The following ARL15 variants were observed in gnomAD, a reference collection of about 807,000 sequenced individuals.
ARL15 encodes the protein ARF like GTPase 15.
ARL15 carries 19 observed loss-of-function variants against 25.2 expected under a neutral mutation model. The observed-to-expected ratio is 0.75, with a 90% CI of 0.53 to 1.10. The LOEUF (loss-of-function observed/expected upper bound fraction) is 1.10. ARL15 is among the 50% of genes least tolerant of loss of function. The pLI, the probability that ARL15 is intolerant of heterozygous loss-of-function variation, is 0.00. For synonymous variants in ARL15, 94 were observed against 86.8 expected (o/e 1.08, Z -0.46); for missense variants, 220 against 246.0 (o/e 0.89, Z 0.71).
chr5:54,116,729 T>C (rs186590443), intron 3 of ARL15, among the ~76,000 whole-genome samples: 1 of 152,308 alleles, frequency 6.6e-6, no homozygotes, highest in East Asian at 1.9e-4. Flanking sequence ...GTCTAATGAC[T>C]ATCATGAGGT....
intron 4 of ARL15, among the ~76,000 whole-genome samples, chr5:54,046,826 C>T (rs910821728): frequency 2.0e-5 from 3 of 152,092 alleles, no homozygotes; most frequent in South Asian, 2.1e-4. Context: ...AGCAAGTAAG[C>T]CAGATTGGGG....
intron 4 of ARL15, among the ~76,000 whole-genome samples, chr5:54,002,935 G>A (rs545382788): frequency 6.6e-6 from 1 of 152,226 alleles, no homozygotes; most frequent in African/African-American, 2.4e-5. Flanking sequence ...CCCAAAAGTA[G>A]GCCTTTAACC....
At chr5:53,903,539 T>A (rs190974175) in intron 4 of ARL15, among the ~76,000 whole-genome samples, 1 of 152,072 alleles carries the variant, frequency 6.6e-6, no homozygotes, top group South Asian at 2.1e-4. Context: ...AATGCCAAGA[T>A]TGAAAAACCT....
At chr5:54,146,387 A>C (rs1417820657) in intron 3 of ARL15, among the ~76,000 whole-genome samples, 1 of 152,160 alleles carries the variant, frequency 6.6e-6, no homozygotes, top group Non-Finnish European at 1.5e-5. Context: ...TAAACAAGAG[A>C]ATTGTTATCA....
At chr5:54,190,473 G>T (rs554957381) in intron 1 of ARL15, among the ~76,000 whole-genome samples, 1 of 152,028 alleles carries the variant, frequency 6.6e-6, no homozygotes, top group Admixed American at 6.6e-5. Flanking sequence ...AACAAAATAC[G>T]TAATTTACAA....
In ARL15 at chr5:53,886,406, A is replaced by T; in HGVS notation, c.*155T>A. 1.4e-6 allele frequency: 1 copy of T among 736,110 alleles called. No individual in the cohort carries two copies. Among genetic ancestry groups the T allele is most frequent in the East Asian group, 2.8e-5 (1 of 36,194 alleles). 45.6% of individuals were successfully genotyped at this position (736,110 alleles called of 1,614,324 possible). Reference sequence around the variant, plus strand: ...GCCGATGATAATTCATCTGATCTACAGAATATTCACTTTAATAGAGAGATG... The same window carrying T: ...GCCGATGATAATTCATCTGATCTACTGAATATTCACTTTAATAGAGAGATG... On this transcript the variant is annotated 3_prime_UTR_variant, in exon 5 of 5. Coordinates refer to ENST00000504924, the MANE Select transcript of ARL15 (RefSeq NM_019087.3).
At chr5:53,891,270 T>A (rs1401517659) in intron 4 of ARL15, among the ~76,000 whole-genome samples, 1 of 152,136 alleles carries the variant, frequency 6.6e-6, no homozygotes, top group Non-Finnish European at 1.5e-5. Context: ...GTTTACTTAG[T>A]GTTTGTGTGT....
chr5:54,261,262 C>T (rs1368512327), intron 1 of ARL15, among the ~76,000 whole-genome samples: 1 of 152,188 alleles, frequency 6.6e-6, no homozygotes. Context: ...CAGCTGCACC[C>T]ATTAACAGAC....
intron 1 of ARL15, among the ~76,000 whole-genome samples, chr5:54,284,628 A>T (rs1389483558): frequency 6.6e-6 from 1 of 152,238 alleles, no homozygotes; most frequent in Non-Finnish European, 1.5e-5. Flanking sequence ...TCCTTTTCAT[A>T]TTCTCAAAAT....
chr5:54,092,166 T>G (rs2112148265), intron 4 of ARL15, among the ~76,000 whole-genome samples: 1 of 152,280 alleles, frequency 6.6e-6, no homozygotes, highest in East Asian at 1.9e-4. Flanking sequence ...TATAGTCTCC[T>G]GGTGAAGCTC....
At chr5:53,930,904 T>C (rs1182208782) in intron 4 of ARL15, among the ~76,000 whole-genome samples, 2 of 152,234 alleles carry the variant, frequency 1.3e-5, no homozygotes, top group East Asian at 3.8e-4. Context: ...CTTTGAGGAA[T>C]TCTGGGCAGT....
At chr5:54,279,252 A>G (rs1757995364) in intron 1 of ARL15, among the ~76,000 whole-genome samples, 1 of 99,918 alleles carries the variant, frequency 1.0e-5, no homozygotes, top group South Asian at 3.6e-4. Flanking sequence ...GCAATTTACA[A>G]GAATTTTTTT....
At chr5:54,263,448 A>G (rs1287883394) in intron 1 of ARL15, among the ~76,000 whole-genome samples, 1 of 152,180 alleles carries the variant, frequency 6.6e-6, no homozygotes, top group Non-Finnish European at 1.5e-5. Flanking sequence ...CATAATTTAA[A>G]AAGATAAGGG....
chr5:54,045,278 A>C (rs1210705122), intron 4 of ARL15, among the ~76,000 whole-genome samples: 1 of 152,178 alleles, frequency 6.6e-6, no homozygotes, highest in Non-Finnish European at 1.5e-5. Context: ...TTGCATAACA[A>C]AGCTGACTGC....
chr5:54,096,915 C>A (rs1752306172), intron 4 of ARL15, among the ~76,000 whole-genome samples: 1 of 152,100 alleles, frequency 6.6e-6, no homozygotes, highest in Non-Finnish European at 1.5e-5. Flanking sequence ...ATTCTTTATC[C>A]TGTTGAACAA....
At chr5:53,982,976 G>A (rs1660860589) in intron 4 of ARL15, among the ~76,000 whole-genome samples, 1 of 152,204 alleles carries the variant, frequency 6.6e-6, no homozygotes, top group Admixed American at 6.5e-5. Flanking sequence ...CTGCATAAAT[G>A]TCTTCTTTTG....
chr5:54,279,978 T>C (rs1285730870), intron 1 of ARL15, among the ~76,000 whole-genome samples: 2 of 152,212 alleles, frequency 1.3e-5, no homozygotes, highest in African/African-American at 4.8e-5. Flanking sequence ...ATTGTGTTTC[T>C]ACTGGGCTGC....
rs183489762 is a variant in ARL15, at chr5:54,143,869, A to G, written c.253+10711T>C. ...TCAAAACTTTCTTAAAAATTCATTT[A>G]TGAATATATCATCCTATTTTTATTA... On this transcript the variant is annotated intron_variant, in intron 3 of 4. Transcript: ENST00000504924. Among the ~76,000 whole-genome samples, 912 of 152,204 alleles carry G rather than the reference A, an allele frequency of 6.0e-3. 3 individuals are homozygous for G. Among genetic ancestry groups the G allele is most frequent in the Non-Finnish European group, 0.011 (715 of 67,940 alleles).
At chr5:54,250,059 G>A (rs971377553) in intron 1 of ARL15, among the ~76,000 whole-genome samples, 3 of 152,126 alleles carry the variant, frequency 2.0e-5, no homozygotes, top group African/African-American at 7.2e-5. Context: ...AGGAAGCATG[G>A]CACTGGCATC....
Sources: allele counts gnomAD v4.1 joint callset (sites outside exome capture counted in the v4.1 genomes callset), GRCh38; gene constraint gnomAD v4.1.1; transcripts MANE v1.5; gene names NCBI Gene and HGNC (gene_info 2026-07-23, HGNC 2026-07-21).